Variants in CLNK observed in about 807,000 individuals in gnomAD.
CLNK encodes the protein cytokine-dependent hematopoietic cell linker.
In CLNK, 74 loss-of-function variants were observed where a neutral mutation model predicts 68.6. The ratio of observed to expected loss-of-function variants is 1.08; its 90% CI spans 0.89 to 1.31. The LOEUF (loss-of-function observed/expected upper bound fraction) is 1.31. Among genes scored for constraint, CLNK ranks in the 50% most tolerant of loss-of-function variants. CLNK has a pLI of 0.00. For synonymous variants in CLNK, 198 were observed against 172.2 expected (o/e 1.15, Z -1.17); for missense variants, 553 against 515.3 (o/e 1.07, Z -0.71).
At chr4:10,662,169 C>A (rs565805930) in intron 2 of CLNK, among the ~76,000 whole-genome samples, 1 of 152,286 alleles carries the variant, frequency 6.6e-6, no homozygotes, top group South Asian at 2.1e-4. Context: ...CATCACAACA[C>A]CGTCTGCTCT....
intron 2 of CLNK, among the ~76,000 whole-genome samples, chr4:10,652,447 G>A (rs1195607195): frequency 1.4e-5 from 2 of 146,416 alleles, no homozygotes; most frequent in Non-Finnish European, 3.0e-5. Flanking sequence ...AATTCTGTAT[G>A]TTTTTTATAA....
At chr4:10,544,995 C>T (rs1289858918) in intron 8 of CLNK, among the ~76,000 whole-genome samples, 1 of 152,130 alleles carries the variant, frequency 6.6e-6, no homozygotes, top group Non-Finnish European at 1.5e-5. Flanking sequence ...TTTATGAGGA[C>T]AGAGTCCTCA....
chr4:10,583,036 CG>C (rs1306120233), intron 4 of CLNK, among the ~76,000 whole-genome samples: 1 of 152,288 alleles, frequency 6.6e-6, no homozygotes, highest in East Asian at 1.9e-4. Context: ...AGTATTTTCT[CG>C]CATGAACGCC....
chr4:10,729,048 T>A, the CLNK span, among the ~76,000 whole-genome samples: 1 of 152,246 alleles, frequency 6.6e-6, no homozygotes, highest in Admixed American at 6.5e-5. Flanking sequence ...ATGTTTTATA[T>A]GATGATTTCT....
chr4:10,509,308 A>C lies in CLNK; in HGVS notation c.907-1272T>G, dbSNP rs181453224. Among the ~76,000 whole-genome samples, 145 of 152,202 alleles carry C rather than the reference A, an allele frequency of 9.5e-4. 6 individuals are homozygous for C. In the East Asian group the frequency reaches 0.026, roughly 27 times the overall value. On this transcript the variant is annotated intron_variant, in intron 16 of 18. Coordinates refer to ENST00000226951, the MANE Select transcript of CLNK (RefSeq NM_052964.4). ...TGATCTGATGTGAACACCATCTGGA[A>C]TGGTATGAGCTAGCTCTAACTCAAC...
intron 4 of CLNK, among the ~76,000 whole-genome samples, chr4:10,583,502 G>A (rs1720862726): frequency 6.6e-6 from 1 of 152,070 alleles, no homozygotes; most frequent in African/African-American, 2.4e-5. Flanking sequence ...GGCCAGGCTT[G>A]TCTCAAACTC....
intron 2 of CLNK, among the ~76,000 whole-genome samples, chr4:10,605,183 A>T (rs915331488): frequency 2.6e-5 from 4 of 152,296 alleles, no homozygotes; most frequent in African/African-American, 7.2e-5. Context: ...CAAACTTGCC[A>T]GTTCCCAGAA....
chr4:10,609,317 T>C (rs191395773), intron 2 of CLNK, among the ~76,000 whole-genome samples: 2 of 152,242 alleles, frequency 1.3e-5, no homozygotes, highest in Non-Finnish European at 2.9e-5. Context: ...GGTTCATACT[T>C]AGTCAGAACT....
chr4:10,629,215 A>G (rs1722792971), intron 2 of CLNK, among the ~76,000 whole-genome samples: 1 of 152,116 alleles, frequency 6.6e-6, no homozygotes, highest in Admixed American at 6.6e-5. Flanking sequence ...ATACATTTGT[A>G]TGTGTTTTCT....
intron 18 of CLNK, among the ~76,000 whole-genome samples, chr4:10,496,777 C>G (rs965744656): frequency 4.6e-5 from 7 of 152,172 alleles, no homozygotes; most frequent in Non-Finnish European, 8.8e-5. Flanking sequence ...AGGGCCTACA[C>G]TGAGTAAATG....
chr4:10,586,126 T>C (rs941237549), intron 3 of CLNK, among the ~76,000 whole-genome samples: 2 of 150,158 alleles, frequency 1.3e-5, no homozygotes, highest in Admixed American at 1.3e-4. Context: ...TAGGCGATAA[T>C]GCTTGCTTGT....
chr4:10,667,444 C>T (rs1415026069), intron 2 of CLNK, among the ~76,000 whole-genome samples: 1 of 139,434 alleles, frequency 7.2e-6, no homozygotes, highest in Non-Finnish European at 1.5e-5. Context: ...GCACAAATTT[C>T]GGTGTCTCAG....
At chr4:10,695,282 A>G in the CLNK span, among the ~76,000 whole-genome samples, 3 of 152,218 alleles carry the variant, frequency 2.0e-5, no homozygotes, top group African/African-American at 4.8e-5. Flanking sequence ...ATAACCTCAC[A>G]TTGTACTCCT....
chr4:10,634,904 G>T (rs1245358321), intron 2 of CLNK, among the ~76,000 whole-genome samples: 2 of 152,180 alleles, frequency 1.3e-5, no homozygotes, highest in Non-Finnish European at 2.9e-5. Flanking sequence ...GGACCAGAGA[G>T]AGAAAAGGCC....
chr4:10,495,790 T>TAGAG (rs759661173), intron 18 of CLNK, among the ~76,000 whole-genome samples: 2 of 150,306 alleles, frequency 1.3e-5, no homozygotes, highest in Admixed American at 6.6e-5. Context: ...CACGTGACCA[T>TAGAG]AGAGAGAGCG....
At chr4:10,552,056 C>A (rs1460571993) in intron 8 of CLNK, among the ~76,000 whole-genome samples, 1 of 151,960 alleles carries the variant, frequency 6.6e-6, no homozygotes, top group Non-Finnish European at 1.5e-5. Context: ...TGGAGTTTCA[C>A]CGTGTTAGCC....
chr4:10,627,709 T>G (rs904213172), intron 2 of CLNK, among the ~76,000 whole-genome samples: 9 of 152,136 alleles, frequency 5.9e-5, no homozygotes, highest in Non-Finnish European at 2.9e-5. Context: ...TAATCCTTTT[T>G]GGGAGGATTG....
chr4:10,591,373 A>G (rs999902099), intron 3 of CLNK, among the ~76,000 whole-genome samples: 1 of 152,318 alleles, frequency 6.6e-6, no homozygotes, highest in South Asian at 2.1e-4. Flanking sequence ...TGGAACTCAC[A>G]CTGACATAAC....
chr4:10,586,003 G>T (rs1229729552), intron 3 of CLNK, among the ~76,000 whole-genome samples: 2 of 152,128 alleles, frequency 1.3e-5, no homozygotes, highest in Non-Finnish European at 2.9e-5. Flanking sequence ...TCATGCGTTG[G>T]TAGGAGTCTC....
Sources: gnomAD v4.1 joint callset for allele counts (sites outside exome capture counted in the v4.1 genomes callset) on GRCh38, gnomAD v4.1.1 for gene constraint, MANE v1.5 for transcripts, NCBI Gene and HGNC (gene_info 2026-07-23, HGNC 2026-07-21) for gene names.